LRMDA: variants seen among roughly 807,000 people sequenced by gnomAD.
The protein encoded by LRMDA is leucine-rich melanocyte differentiation-associated protein.
LRMDA carries 18 observed loss-of-function variants against 29.8 expected under a neutral mutation model. The observed-to-expected ratio is 0.60, with a 90% CI of 0.42 to 0.90. The LOEUF (loss-of-function observed/expected upper bound fraction) is 0.90. Ranked by LOEUF, LRMDA falls within the 40% of genes least tolerant of loss-of-function variation. LRMDA has a pLI of 0.00. For missense variants in LRMDA, 273 were observed against 273.9 expected (o/e 1.00, Z 0.02); for synonymous variants, 125 against 109.4 (o/e 1.14, Z -0.89).
intron 2 of LRMDA, among the ~76,000 whole-genome samples, chr10:75,572,245 C>T (rs1198486847): frequency 2.0e-5 from 3 of 152,108 alleles, no homozygotes; most frequent in Non-Finnish European, 4.4e-5. Flanking sequence ...AGCCACCGTG[C>T]CTGGATTGTT....
intron 2 of LRMDA, among the ~76,000 whole-genome samples, chr10:75,583,088 A>G (rs556032135): frequency 2.6e-5 from 4 of 152,356 alleles, no homozygotes; most frequent in African/African-American, 9.6e-5. Context: ...ACAAGTCTTT[A>G]GGAAGTTCCA....
intron 2 of LRMDA, among the ~76,000 whole-genome samples, chr10:75,842,460 G>T (rs537421006): frequency 2.6e-5 from 4 of 152,086 alleles, no homozygotes; most frequent in Non-Finnish European, 4.4e-5. Context: ...CTGACCTCTG[G>T]TCTATGTTAT....
intron 2 of LRMDA, among the ~76,000 whole-genome samples, chr10:75,710,270 G>A (rs976310720): frequency 5.9e-5 from 9 of 152,176 alleles, no homozygotes; most frequent in African/African-American, 1.9e-4. Flanking sequence ...GCCCCAAAGT[G>A]TCATTTATTA....
chr10:75,468,917 G>A (rs1589152519), intron 2 of LRMDA, among the ~76,000 whole-genome samples: 1 of 152,130 alleles, frequency 6.6e-6, no homozygotes, highest in African/African-American at 2.4e-5. Context: ...CACTTCCCCT[G>A]GAAGTGCACC....
At chr10:76,029,935 G>T (rs1238276018) in intron 2 of LRMDA, among the ~76,000 whole-genome samples, 2 of 152,088 alleles carry the variant, frequency 1.3e-5, no homozygotes, top group Non-Finnish European at 2.9e-5. Flanking sequence ...TCGCTCTGTT[G>T]CCCAGGCTGG....
intron 6 of LRMDA, among the ~76,000 whole-genome samples, chr10:76,413,426 A>C (rs796820429): frequency 5.3e-5 from 8 of 152,326 alleles, no homozygotes; most frequent in African/African-American, 1.7e-4. Flanking sequence ...CACATCTTAC[A>C]TGGCAGCAAG....
chr10:75,869,466 ATCCC>A (rs1845073574), intron 2 of LRMDA, among the ~76,000 whole-genome samples: 1 of 152,170 alleles, frequency 6.6e-6, no homozygotes, highest in Admixed American at 6.5e-5. Context: ...TTATCTTTCC[ATCCC>A]AGAATGCATT....
At chr10:75,927,158 C>T (rs746281610) in intron 2 of LRMDA, among the ~76,000 whole-genome samples, 1 of 152,158 alleles carries the variant, frequency 6.6e-6, no homozygotes, top group Non-Finnish European at 1.5e-5. Flanking sequence ...ATAGGGAATT[C>T]ATTATACCCA....
intron 2 of LRMDA, among the ~76,000 whole-genome samples, chr10:75,804,194 C>T (rs1320568145): frequency 2.0e-5 from 3 of 152,160 alleles, no homozygotes; most frequent in African/African-American, 7.2e-5. Context: ...CTGAAAAACA[C>T]CATTGATTCA....
intron 2 of LRMDA, among the ~76,000 whole-genome samples, chr10:75,517,760 G>A (rs1845308638): frequency 6.6e-6 from 1 of 152,114 alleles, no homozygotes; most frequent in Non-Finnish European, 1.5e-5. Flanking sequence ...GGTGAGAGAG[G>A]GCATCCTTGT....
At chr10:76,425,001 G>C (rs1842109099) in intron 6 of LRMDA, among the ~76,000 whole-genome samples, 1 of 152,176 alleles carries the variant, frequency 6.6e-6, no homozygotes, top group Non-Finnish European at 1.5e-5. Flanking sequence ...TCAGCTTTTA[G>C]AAATGGACAT....
At chr10:75,685,531 C>G (rs973998599) in intron 2 of LRMDA, among the ~76,000 whole-genome samples, 1 of 152,202 alleles carries the variant, frequency 6.6e-6, no homozygotes, top group Admixed American at 6.5e-5. Context: ...CTATTCATAT[C>G]CATTTATTCA....
intron 2 of LRMDA, among the ~76,000 whole-genome samples, chr10:75,956,830 C>G (rs1453106653): frequency 6.6e-6 from 1 of 152,198 alleles, no homozygotes; most frequent in Admixed American, 6.5e-5. Flanking sequence ...ATTCCATTAG[C>G]TTGATCTTAG....
chr10:75,570,699 A>T (rs1469825327), intron 2 of LRMDA, among the ~76,000 whole-genome samples: 2 of 152,162 alleles, frequency 1.3e-5, no homozygotes, highest in Non-Finnish European at 2.9e-5. Flanking sequence ...ATTAATGTAT[A>T]CGCTCTTTTT....
intron 2 of LRMDA, among the ~76,000 whole-genome samples, chr10:75,814,439 C>G (rs1006121563): frequency 2.0e-5 from 3 of 152,184 alleles, no homozygotes; most frequent in African/African-American, 2.4e-5. Context: ...AGCATACATA[C>G]TAGTGTGCTC....
intron 6 of LRMDA, among the ~76,000 whole-genome samples, chr10:76,432,478 C>G (rs532310423): frequency 6.6e-6 from 1 of 152,140 alleles, no homozygotes; most frequent in South Asian, 2.1e-4. Context: ...CTGAGCTATG[C>G]GGAATTCTAG....
intron 6 of LRMDA, among the ~76,000 whole-genome samples, chr10:76,508,766 T>C (rs974601706): frequency 4.6e-5 from 7 of 152,186 alleles, no homozygotes; most frequent in African/African-American, 1.7e-4. Context: ...CTATTTTATC[T>C]TCTCCCTATG....
chr10:76,394,332 G>A (rs1206537221), intron 6 of LRMDA, among the ~76,000 whole-genome samples: 1 of 152,158 alleles, frequency 6.6e-6, no homozygotes, highest in Non-Finnish European at 1.5e-5. Flanking sequence ...GGAGGTAAGA[G>A]TCCAAATGTT....
At chr10:76,215,783 A>G (rs1024942383) in intron 5 of LRMDA, among the ~76,000 whole-genome samples, 1 of 152,230 alleles carries the variant, frequency 6.6e-6, no homozygotes, top group Non-Finnish European at 1.5e-5. Context: ...AAGTGAGAAT[A>G]GATTGATAAA....
Sources: allele counts gnomAD v4.1 joint callset (sites outside exome capture counted in the v4.1 genomes callset), GRCh38; gene constraint gnomAD v4.1.1; transcripts MANE v1.5; gene names NCBI Gene and HGNC (gene_info 2026-07-23, HGNC 2026-07-21).